Variants in SPATA6L observed in about 807,000 individuals in gnomAD.
The protein encoded by SPATA6L is spermatogenesis associated 6 like, also known as spermatogenesis associated 6-like protein.
A neutral mutation model predicts 49.2 loss-of-function variants in SPATA6L; 68 were observed. The ratio of observed to expected loss-of-function variants is 1.38; its 90% CI spans 1.14 to 1.69. The LOEUF is 1.69. Among genes scored for constraint, SPATA6L ranks in the 40% most tolerant of loss-of-function variants. SPATA6L has a pLI of 0.00. For missense variants in SPATA6L, 668 were observed against 464.3 expected, an observed-to-expected ratio of 1.44 and a Z score of -4.03; for synonymous variants, 198 against 165.7, an observed-to-expected ratio of 1.19 and a Z score of -1.50.
rs1221963773 is a variant in SPATA6L at position 4,604,238 on chromosome 9, A to G, written c.1121T>C (p.Ile374Thr). 4 of 1,611,906 alleles carry G rather than the reference A, an allele frequency of 2.5e-6. No individual in the cohort carries two copies. Among genetic ancestry groups the G allele is most frequent in the Non-Finnish European group, 3.4e-6 (4 of 1,178,458 alleles). ...EDSTSEVNYI[I>T]ERPSYPLKKY... ...CTTCAGAGGGTAGCTTGGTCTTTCA[A>G]TGATATAATTTACTTCAGAGGTAGA... is the stretch of plus-strand genomic sequence containing the variant. Residue 374 changes from isoleucine to threonine, a missense_variant, in exon 11 of 12, where the codon ATT (isoleucine) becomes ACT (threonine). Transcript: ENST00000682582.
At chr9:4,589,840 C>G (rs1317482301) in intron 13 of SPATA6L, among the ~76,000 whole-genome samples, 1 of 152,202 alleles carries the variant, frequency 6.6e-6, no homozygotes, top group African/African-American at 2.4e-5. Context: ...GGAAGTGTAC[C>G]TCTCTGCAAT....
chr9:4,620,636 G>A lies in SPATA6L; in HGVS notation c.773-1738C>T, dbSNP rs150313896. ...AGCTACAGGGATTCCAAGGATCTGA[G>A]CCCAGAGGTCTGAATGTCTTCTCTA... is the stretch of plus-strand genomic sequence containing the variant. On this transcript the variant is annotated intron_variant, in intron 7 of 11. Transcript: ENST00000682582. 2.6e-3 allele frequency among the ~76,000 whole-genome samples: 395 copies of A among 152,310 alleles called. 3 individuals are homozygous for A. The highest frequency in any genetic ancestry group is 8.4e-3 in the African/African-American group (351 of 41,560).
chr9:4,642,794 T>A (rs950392961), intron 3 of SPATA6L, among the ~76,000 whole-genome samples: 1 of 127,676 alleles, frequency 7.8e-6, no homozygotes, highest in African/African-American at 3.8e-5. Flanking sequence ...TTGAAAACAT[T>A]GTTAAAAATA....
intron 9 of SPATA6L, among the ~76,000 whole-genome samples, chr9:4,612,716 G>A (rs76537521): frequency 6.6e-6 from 1 of 152,332 alleles, no homozygotes; most frequent in Non-Finnish European, 1.5e-5. Context: ...CCAGGGCAGA[G>A]TAGGAACTGA....
chr9:4,654,183 C>A (rs375992132), intron 3 of SPATA6L, among the ~76,000 whole-genome samples: 8 of 152,150 alleles, frequency 5.3e-5, no homozygotes, highest in South Asian at 2.1e-4. Flanking sequence ...AAAATGGAAC[C>A]CTCATACATT....
chr9:4,649,233 A>G (rs1362555893), intron 3 of SPATA6L, among the ~76,000 whole-genome samples: 1 of 152,170 alleles, frequency 6.6e-6, no homozygotes, highest in Admixed American at 6.5e-5. Context: ...CTCTGGGTAG[A>G]CAGATACCCT....
chr9:4,662,154 A>G lies in SPATA6L; in HGVS notation c.40-118T>C. On this transcript the variant is annotated intron_variant, in intron 1 of 11. Transcript: ENST00000682582. The surrounding 1 kb of genome is among the most constrained non-coding windows in gnomAD (Gnocchi z 4.9). ...ACACTGACATTTTCCCCATCACCTCACTCCCTCACCTGTACCTCCCAACGC... is the reference window on the plus strand; with the variant it reads ...ACACTGACATTTTCCCCATCACCTCGCTCCCTCACCTGTACCTCCCAACGC... 1 of 1,476,262 alleles carries G rather than the reference A, an allele frequency of 6.8e-7. No individual in the cohort carries two copies. The highest frequency in any genetic ancestry group is 2.3e-5 in the Admixed American group (1 of 43,254). 91.4% of individuals were successfully genotyped at this position (1,476,262 alleles called of 1,614,324 possible).
At chr9:4,635,133 G>C (rs1313423499) in intron 4 of SPATA6L, 142 bp downstream of exon 4, 3 of 769,772 alleles carry the variant, frequency 3.9e-6, no homozygotes, top group Non-Finnish European at 5.6e-6. Flanking sequence ...TTGGTACCTT[G>C]AGTTGGGCAT....
chr9:4,623,343 TG>T (rs1234203044), intron 6 of SPATA6L, among the ~76,000 whole-genome samples: 1 of 152,104 alleles, frequency 6.6e-6, no homozygotes, highest in Non-Finnish European at 1.5e-5. Flanking sequence ...TATTTATCTT[TG>T]GTGACTGACC....
Position 4,662,100 on chromosome 9 carries a change from G to A in SPATA6L, c.40-64C>T, listed in dbSNP as rs565852328. 1.9e-6 allele frequency: 3 copies of A among 1,582,044 alleles called. No homozygotes were observed. The highest frequency in any genetic ancestry group is 1.4e-5 in the African/African-American group (1 of 73,640). On this transcript the variant is annotated intron_variant, in intron 1 of 11. Transcript: ENST00000682582. The surrounding 1 kb of genome is among the most constrained non-coding windows in gnomAD (Gnocchi z 4.9). ...CAGACTTTGCTTTGTTTTGTTACAC[G>A]GGGCTCTATTTCTCTTAAGCTCCTA...
At chr9:4,622,942 C>T (rs1262544780) in intron 6 of SPATA6L, among the ~76,000 whole-genome samples, 1 of 151,754 alleles carries the variant, frequency 6.6e-6, no homozygotes, top group Non-Finnish European at 1.5e-5. Context: ...TTCTACTTTC[C>T]ACATTCCTCT....
chr9:4,591,669 G>T (rs932779573), intron 13 of SPATA6L, among the ~76,000 whole-genome samples: 3 of 152,160 alleles, frequency 2.0e-5, no homozygotes, highest in Admixed American at 2.0e-4. Context: ...AACTTCACAT[G>T]AATCACAAAT....
chr9:4,626,425 C>T (rs1339766895), intron 5 of SPATA6L: 1 of 1,304,024 alleles, frequency 7.7e-7, no homozygotes. Flanking sequence ...CCAAGTCCCA[C>T]CTTCGAATTC....
intron 10 of SPATA6L, among the ~76,000 whole-genome samples, 182 bp from the exon 11 acceptor site, chr9:4,604,451 T>G (rs890909978): frequency 3.3e-5 from 5 of 152,166 alleles, no homozygotes; most frequent in Non-Finnish European, 7.4e-5. Flanking sequence ...TCTCATTATG[T>G]TGCCAGGCTG....
intron 4 of SPATA6L, among the ~76,000 whole-genome samples, chr9:4,631,534 A>G (rs1831545114): frequency 6.6e-6 from 1 of 152,112 alleles, no homozygotes; most frequent in Non-Finnish European, 1.5e-5. Context: ...GCAAAAATAA[A>G]AAAATTCTTG....
chr9:4,607,318 G>C (rs1324755893), intron 9 of SPATA6L, among the ~76,000 whole-genome samples: 4 of 152,066 alleles, frequency 2.6e-5, no homozygotes, highest in Non-Finnish European at 5.9e-5. Flanking sequence ...TCCTCGAGAA[G>C]AGCAACTCCA....
At chr9:4,595,914 C>G (rs139766777), downstream of SPATA6L, among the ~76,000 whole-genome samples, 100 of 152,318 alleles carry the variant, frequency 6.6e-4, no homozygotes, top group African/African-American at 2.3e-3. Context: ...TTCAGACCAG[C>G]TTTATGTGGG....
At chr9:4,618,807 A>G in intron 8 of SPATA6L, 57 bp downstream of exon 8, 1 of 1,502,140 alleles carries the variant, frequency 6.7e-7, no homozygotes, top group Non-Finnish European at 9.2e-7. Context: ...AAAGCACAAT[A>G]ATTGACATAA....
At chr9:4,609,973 A>G (rs1373991000) in intron 9 of SPATA6L, among the ~76,000 whole-genome samples, 4 of 152,018 alleles carry the variant, frequency 2.6e-5, no homozygotes, top group African/African-American at 9.7e-5. Flanking sequence ...TCAATGTACA[A>G]AAATCACAAG....
Sources: allele counts gnomAD v4.1 joint callset (sites outside exome capture counted in the v4.1 genomes callset), GRCh38; gene constraint gnomAD v4.1.1; non-coding constraint Gnocchi (gnomAD v3.1); transcripts MANE v1.5; gene names NCBI Gene and HGNC (gene_info 2026-07-23, HGNC 2026-07-21).